ZBTB49: variants seen among roughly 807,000 people sequenced by gnomAD.
The protein encoded by ZBTB49 is zinc finger and BTB domain-containing protein 49.
A neutral mutation model predicts 57.5 loss-of-function variants in ZBTB49; 43 were observed. That is an observed-to-expected ratio of 0.75 (90% CI 0.59 to 0.97). The LOEUF (loss-of-function observed/expected upper bound fraction) is 0.97, where lower values mean the gene tolerates loss of function less well. ZBTB49 is among the 50% of genes least tolerant of loss of function. The pLI, the probability that ZBTB49 is intolerant of heterozygous loss-of-function variation, is 0.00. For synonymous variants in ZBTB49, 369 were observed against 362.1 expected (o/e 1.02, Z -0.22); for missense variants, 938 against 947.7 (o/e 0.99, Z 0.13).
intron 2 of ZBTB49, among the ~76,000 whole-genome samples, chr4:4,300,465 T>C (rs536643952): frequency 6.6e-6 from 1 of 152,338 alleles, no homozygotes; most frequent in Non-Finnish European, 1.5e-5. Context: ...TTTTCTGTGA[T>C]AAGAAATCAG....
intron 4 of ZBTB49, among the ~76,000 whole-genome samples, chr4:4,312,823 C>G (rs1215962355): frequency 6.6e-6 from 1 of 152,130 alleles, no homozygotes; most frequent in Admixed American, 6.5e-5. Context: ...ACATGGAGGA[C>G]GGGGTGGAGA....
At chr4:4,307,575 T>G (rs1720792794) in intron 4 of ZBTB49, among the ~76,000 whole-genome samples, 1 of 152,114 alleles carries the variant, frequency 6.6e-6, no homozygotes, top group African/African-American at 2.4e-5. Context: ...GCCTGGCACA[T>G]AGTAAGCGCT....
At chr4:4,300,664 C>T (rs1260859754) in intron 2 of ZBTB49, among the ~76,000 whole-genome samples, 1 of 151,308 alleles carries the variant, frequency 6.6e-6, no homozygotes, top group Non-Finnish European at 1.5e-5. Context: ...TTCTGTATTC[C>T]CAGCTACTCA....
rs1353104822 is a variant in ZBTB49 at position 4,315,724 on chromosome 4, G to A, written c.1459+6G>A. Reference sequence around the variant, plus strand: ...GTGTGACATCTGTGGTCGAGGTACAGCTGAGTGTTTTCCTATTCTTCTTGA... The same window carrying A: ...GTGTGACATCTGTGGTCGAGGTACAACTGAGTGTTTTCCTATTCTTCTTGA... On this transcript the variant is annotated splice_donor_region_variant and intron_variant, in intron 6 of 7. Coordinates refer to ENST00000337872, the MANE Select transcript of ZBTB49 (RefSeq NM_145291.4). 5 of 1,613,138 alleles carry A rather than the reference G, an allele frequency of 3.1e-6. No homozygotes were observed. The highest frequency in any genetic ancestry group is 4.2e-6 in the Non-Finnish European group (5 of 1,180,026).
intron 1 of ZBTB49, among the ~76,000 whole-genome samples, 174 bp from the exon 2 acceptor site, chr4:4,299,753 G>A (rs1560106182): frequency 1.3e-5 from 2 of 150,584 alleles, no homozygotes; most frequent in South Asian, 4.2e-4. Flanking sequence ...GAACAGCAGC[G>A]GTCTAGATGC....
At chr4:4,309,519 G>T (rs1392413705) in intron 4 of ZBTB49, among the ~76,000 whole-genome samples, 6 of 152,370 alleles carry the variant, frequency 3.9e-5, no homozygotes, top group African/African-American at 1.2e-4. Flanking sequence ...TGTCTTTGGG[G>T]AGAGGAGTAG....
At chr4:4,304,844 T>C (rs1720668948) in intron 3 of ZBTB49, among the ~76,000 whole-genome samples, 1 of 152,154 alleles carries the variant, frequency 6.6e-6, no homozygotes, top group South Asian at 2.1e-4. Context: ...GAAGTGTGTA[T>C]TTACCTGTTC....
intron 4 of ZBTB49, among the ~76,000 whole-genome samples, chr4:4,310,049 A>G (rs1213936611): frequency 1.3e-5 from 2 of 152,228 alleles, no homozygotes; most frequent in Non-Finnish European, 2.9e-5. Flanking sequence ...ACTGCCGTTA[A>G]GAGTGCTCAT....
In ZBTB49 at chr4:4,303,073, C is replaced by T. The variant is rs759158107; in HGVS notation, c.1237C>T (p.His413Tyr). Residue 413 changes from histidine (H) to tyrosine (Y), a missense_variant, in exon 3 of 8, where the codon CAC becomes TAC. His to Tyr is a moderately conservative substitution (Grantham distance 83, BLOSUM62 2). Transcript: ENST00000337872. Reference sequence around the variant, plus strand: ...TAAACACCCAAGCAACTTGGAGCTTCACAAACGGTCTCATACAGGTAACTG... The same window carrying T: ...TAAACACCCAAGCAACTTGGAGCTTTACAAACGGTCTCATACAGGTAACTG... ...PFKHPSNLEL[H>Y]KRSHTGEKPF... The T allele has an allele frequency of 6.2e-7, 1 of 1,608,714 alleles. No individual in the cohort carries two copies. The highest frequency in any genetic ancestry group is 1.1e-5 in the South Asian group (1 of 90,516).
intron 7 of ZBTB49, among the ~76,000 whole-genome samples, chr4:4,317,337 A>G (rs1038615435): frequency 3.3e-5 from 5 of 152,212 alleles, no homozygotes; most frequent in Non-Finnish European, 7.3e-5. Context: ...GCTTTGAGAC[A>G]ATATTCCCAT....
Position 4,315,906 on chromosome 4 carries a change from A to G in ZBTB49, c.1557A>G (p.Gln519=). The change falls in exon 7 of 8, where the codon CAA becomes CAG. Residue 519 remains glutamine, a synonymous_variant. Transcript: ENST00000337872. The stretch of plus-strand genomic sequence containing the variant: ...AGTGTGGAAAGTCTTTTAATATGCA[A>G]AGGAAGTTAGTAAAGCACAGAATTC... ...CDECGKSFNM[Q]RKLVKHRIRH... 2.5e-6 allele frequency: 4 copies of G among 1,614,202 alleles called. No individual in the cohort carries two copies. Among genetic ancestry groups the G allele is most frequent in the Non-Finnish European group, 3.4e-6 (4 of 1,180,036 alleles).
intron 4 of ZBTB49, 38 bp from the exon 5 acceptor site, chr4:4,313,003 T>G (rs753122537): frequency 6.8e-6 from 11 of 1,605,996 alleles, no homozygotes; most frequent in Admixed American, 6.8e-5. Context: ...ACCAAAAACT[T>G]TCATTATTGG....
chr4:4,313,669 C>T (rs2108895325), intron 5 of ZBTB49, among the ~76,000 whole-genome samples: 1 of 152,266 alleles, frequency 6.6e-6, no homozygotes, highest in Non-Finnish European at 1.5e-5. Flanking sequence ...CTCGATTCCT[C>T]TGCAGCGTGG....
intron 5 of ZBTB49, among the ~76,000 whole-genome samples, chr4:4,314,705 C>T (rs545152343): frequency 2.0e-5 from 3 of 152,322 alleles, no homozygotes; most frequent in African/African-American, 4.8e-5. Context: ...CTATATGCAG[C>T]GTCTTCCTTA....
intron 4 of ZBTB49, among the ~76,000 whole-genome samples, chr4:4,311,873 C>G (rs1345682467): frequency 6.6e-6 from 1 of 152,158 alleles, no homozygotes; most frequent in Non-Finnish European, 1.5e-5. Context: ...ATGTCTAACT[C>G]TGTTTCCCAG....
Position 4,306,201 on chromosome 4 carries a change from T to C in ZBTB49, c.1302+17T>C, listed in dbSNP as rs74817570. On this transcript the variant is annotated intron_variant, in intron 4 of 7. Coordinates refer to ENST00000337872, the MANE Select transcript of ZBTB49 (RefSeq NM_145291.4). ...TTCTCTCAGGTGGGAATACTCTTATTTATTGTTAATAATTGGAAACCTGCA... is the reference window on the plus strand; with the variant it reads ...TTCTCTCAGGTGGGAATACTCTTATCTATTGTTAATAATTGGAAACCTGCA... The C allele has an allele frequency of 2.5e-6, 4 of 1,606,876 alleles. No homozygotes were observed. Among genetic ancestry groups the C allele is most frequent in the Non-Finnish European group, 3.4e-6 (4 of 1,174,702 alleles).
At chr4:4,313,229 C>T in intron 5 of ZBTB49, 115 bp downstream of exon 5, 1 of 1,096,486 alleles carries the variant, frequency 9.1e-7, no homozygotes, top group South Asian at 1.6e-5. Flanking sequence ...TGGGCTCACC[C>T]TGCCACTGCA....
chr4:4,311,757 A>C (rs567719223), intron 4 of ZBTB49, among the ~76,000 whole-genome samples: 172 of 152,366 alleles, frequency 1.1e-3, no homozygotes, highest in African/African-American at 3.8e-3. Context: ...GAGCCATTCT[A>C]TTAAAAGCTG....
chr4:4,300,096 A>T lies in ZBTB49; in HGVS notation c.151A>T (p.Arg51Trp). The T allele has an allele frequency of 6.2e-7, 1 of 1,614,078 alleles. No homozygotes were observed. Among genetic ancestry groups the T allele is most frequent in the South Asian group, 1.1e-5 (1 of 91,072 alleles). ...CCTGGCAGCATTCAGCCAGTATTTT[A>T]GGTGGGTATTTTAGACTTCATTCTC... ...NVLAAFSQYF[R>W]SLFQNSSSQK... The change falls in exon 2 of 8, where the codon AGG becomes TGG. Residue 51 changes from arginine to tryptophan, a missense_variant and splice_region_variant. Arg to Trp is a moderately radical substitution (Grantham distance 101). Coordinates refer to ENST00000337872, the MANE Select transcript of ZBTB49 (RefSeq NM_145291.4).
Sources: gnomAD v4.1 joint callset for allele counts (sites outside exome capture counted in the v4.1 genomes callset) on GRCh38, gnomAD v4.1.1 for gene constraint, MANE v1.5 for transcripts, NCBI Gene and HGNC (gene_info 2026-07-23, HGNC 2026-07-21) for gene names.